The following BFSP2 variants were observed in gnomAD, a reference collection of about 807,000 sequenced individuals.
BFSP2 encodes the protein beaded filament structural protein 2, also known as phakinin.
A neutral mutation model predicts 44.9 loss-of-function variants in BFSP2; 38 were observed. The ratio of observed to expected loss-of-function variants is 0.85; its 90% CI spans 0.65 to 1.11. The LOEUF (loss-of-function observed/expected upper bound fraction) is 1.11. Among genes scored for constraint, BFSP2 ranks in the 50% least tolerant of loss-of-function variants. The pLI is 0.00. For missense variants in BFSP2, 525 were observed against 533.0 expected (o/e 0.99, Z 0.15); for synonymous variants, 197 against 209.9 (o/e 0.94, Z 0.53).
intron 4 of BFSP2, among the ~76,000 whole-genome samples, chr3:133,466,112 A>G (rs1186038186): frequency 6.6e-6 from 1 of 152,076 alleles, no homozygotes; most frequent in African/African-American, 2.4e-5. Flanking sequence ...CCTTTGCACC[A>G]ACCTAATATG....
At chr3:133,405,771 A>C (rs1346218568) in intron 1 of BFSP2, among the ~76,000 whole-genome samples, 2 of 152,216 alleles carry the variant, frequency 1.3e-5, no homozygotes, top group Non-Finnish European at 2.9e-5. Flanking sequence ...TATAAGGGAC[A>C]CTACAGTATG....
At position 133,400,160 on chromosome 3, in the gene BFSP2, CCTT is replaced by C; in HGVS notation, c.79_81del (p.Phe27del). The C allele has an allele frequency of 6.2e-7, 1 of 1,614,170 alleles. No individual in the cohort carries two copies. The highest frequency in any genetic ancestry group is 8.5e-7 in the Non-Finnish European group (1 of 1,180,036). On this transcript the variant is annotated inframe_deletion, in exon 1 of 7. Transcript: ENST00000302334. This position sits in a 1 kb window ranked among gnomAD's most constrained non-coding sequence, Gnocchi z 4.0. The stretch of plus-strand genomic sequence containing the variant: ...ATGCCCCTCCAGAGGCGCAGGGCGT[CCTT>C]CAGGGGGCCACGGTCATCATCCTCC...
intron 5 of BFSP2, 45 bp from the exon 6 acceptor site, chr3:133,472,300 C>T: frequency 1.3e-6 from 2 of 1,571,608 alleles, no homozygotes; most frequent in Non-Finnish European, 1.7e-6. Context: ...CTTCAAGGGC[C>T]CGGCCTGTTG....
At chr3:133,450,689 T>C (rs959732439) in intron 4 of BFSP2, among the ~76,000 whole-genome samples, 1 of 152,234 alleles carries the variant, frequency 6.6e-6, no homozygotes, top group Non-Finnish European at 1.5e-5. Context: ...TGTGGAGAAG[T>C]AGGTTCTCTA....
chr3:133,474,906 A>G, intron 6 of BFSP2, 63 bp from the exon 7 acceptor site: 3 of 1,598,352 alleles, frequency 1.9e-6, no homozygotes, highest in Middle Eastern at 1.7e-4. Context: ...TCGTAATCCT[A>G]TTGTGATAGA....
At chr3:133,440,031 G>A (rs551459559) in intron 1 of BFSP2, among the ~76,000 whole-genome samples, 381 of 152,258 alleles carry the variant, frequency 2.5e-3, no homozygotes, top group Non-Finnish European at 4.2e-3. Context: ...AAGAAAAAAG[G>A]TTTAATGAAC....
intron 3 of BFSP2, among the ~76,000 whole-genome samples, chr3:133,449,876 G>A (rs1295365673): frequency 2.0e-5 from 3 of 151,376 alleles, no homozygotes; most frequent in Non-Finnish European, 2.9e-5. Flanking sequence ...GTGACAGAGT[G>A]AGACCCTGTC....
intron 4 of BFSP2, among the ~76,000 whole-genome samples, chr3:133,465,198 G>A (rs768416161): frequency 3.3e-5 from 5 of 151,774 alleles, no homozygotes; most frequent in African/African-American, 4.8e-5. Flanking sequence ...GTAGAGACGG[G>A]TTTTCACCAT....
chr3:133,401,672 C>T (rs1192802389), intron 1 of BFSP2, among the ~76,000 whole-genome samples: 1 of 152,210 alleles, frequency 6.6e-6, no homozygotes, highest in Non-Finnish European at 1.5e-5. Flanking sequence ...TCTTTCTCTC[C>T]AGATGCTGGC....
At chr3:133,405,119 G>A (rs2073393612) in intron 1 of BFSP2, among the ~76,000 whole-genome samples, 1 of 152,208 alleles carries the variant, frequency 6.6e-6, no homozygotes, top group African/African-American at 2.4e-5. Context: ...GGGGTCAGAG[G>A]AGCAGCCCTC....
chr3:133,434,668 C>A (rs192657991), intron 1 of BFSP2, among the ~76,000 whole-genome samples: 1 of 152,242 alleles, frequency 6.6e-6, no homozygotes, highest in East Asian at 1.9e-4. Context: ...TGATATTCCA[C>A]CACAAAACAA....
intron 1 of BFSP2, among the ~76,000 whole-genome samples, chr3:133,409,567 T>C (rs1361738284): frequency 3.9e-5 from 6 of 152,162 alleles, no homozygotes; most frequent in Admixed American, 1.3e-4. Context: ...GGGCTCCTTG[T>C]AGAAATGGCT....
At chr3:133,437,887 GCCAGGGGCA>G (rs1181577468) in intron 1 of BFSP2, among the ~76,000 whole-genome samples, 1 of 152,198 alleles carries the variant, frequency 6.6e-6, no homozygotes, top group African/African-American at 2.4e-5. Flanking sequence ...GCTTCTGACA[GCCAGGGGCA>G]CCTACATCGT....
chr3:133,466,012 C>T (rs2074105737), intron 4 of BFSP2, among the ~76,000 whole-genome samples: 1 of 152,182 alleles, frequency 6.6e-6, no homozygotes, highest in African/African-American at 2.4e-5. Context: ...ACTGTGCAGC[C>T]GCTATAAAGA....
intron 1 of BFSP2, among the ~76,000 whole-genome samples, chr3:133,413,825 T>C (rs1469025674): frequency 6.6e-6 from 1 of 151,940 alleles, no homozygotes; most frequent in African/African-American, 2.4e-5. Context: ...TAGTTACATG[T>C]TTATTGCAGG....
intron 1 of BFSP2, among the ~76,000 whole-genome samples, chr3:133,446,602 A>AAAGGAGT (rs2073901939): frequency 5.2e-5 from 2 of 38,456 alleles, no homozygotes; most frequent in Non-Finnish European, 9.6e-5. Flanking sequence ...ATATATATAT[A>AAAGGAGT]TATATATATA....
chr3:133,475,076 C>T lies in BFSP2; in HGVS notation c.*104C>T. ...CCTGAGCTCCAGTCCCTGCTGGATT[C>T]CCTGGTTAATTCAGCTTGAGCTGAA... On this transcript the variant is annotated 3_prime_UTR_variant, in exon 7 of 7. Coordinates refer to ENST00000302334, the MANE Select transcript of BFSP2 (RefSeq NM_003571.4). 6.7e-7 allele frequency: 1 copy of T among 1,493,320 alleles called. No homozygotes were observed. The allele number at this position is 1,493,320 out of a possible 1,614,324, so 92.5% of individuals were successfully genotyped here. A position where few individuals can be genotyped will look rare whatever the true frequency, so the allele number is the denominator to read the frequency against.
intron 1 of BFSP2, among the ~76,000 whole-genome samples, chr3:133,431,264 A>C (rs185807077): frequency 8.7e-4 from 132 of 152,310 alleles, no homozygotes; most frequent in African/African-American, 3.0e-3. Context: ...CCAGGTGTAC[A>C]ATAATAGAAA....
In BFSP2 at chr3:133,400,695, C is replaced by G; in HGVS notation, c.489+123C>G. ...GACCATAATCCCCTACACTTTCACA[C>G]TTAAAATGGTAATGATAACAACAAT... On this transcript the variant is annotated intron_variant, in intron 1 of 6. Transcript: ENST00000302334. The surrounding 1 kb of genome is among the most constrained non-coding windows in gnomAD (Gnocchi z 4.0). 1 of 1,429,258 alleles carries G rather than the reference C, an allele frequency of 7.0e-7. No homozygotes were observed. The highest frequency in any genetic ancestry group is 2.5e-5 in the East Asian group (1 of 40,152). The allele number at this position is 1,429,258 out of a possible 1,614,324, so 88.5% of individuals were successfully genotyped here.
Sources: allele counts gnomAD v4.1 joint callset (sites outside exome capture counted in the v4.1 genomes callset), GRCh38; gene constraint gnomAD v4.1.1; non-coding constraint Gnocchi (gnomAD v3.1); transcripts MANE v1.5; gene names NCBI Gene and HGNC (gene_info 2026-07-23, HGNC 2026-07-21).